The following MGAT5 variants were observed in gnomAD, a reference collection of about 807,000 sequenced individuals.
MGAT5 encodes the protein alpha-1,6-mannosylglycoprotein 6-beta-N-acetylglucosaminyltransferase A.
Under a neutral mutation model 94.3 loss-of-function variants are expected in MGAT5, and 30 were observed. The ratio of observed to expected loss-of-function variants is 0.32; its 90% CI spans 0.24 to 0.43. The LOEUF (loss-of-function observed/expected upper bound fraction) is 0.43, where lower values mean the gene tolerates loss of function less well. Ranked by LOEUF, MGAT5 falls within the 20% of genes least tolerant of loss-of-function variation. The probability of loss-of-function intolerance (pLI) is 1.00; values close to 1 mark genes in which losing one functional copy is unlikely to be tolerated. For synonymous variants in MGAT5, 310 were observed against 322.9 expected, an observed-to-expected ratio of 0.96 and a Z score of 0.43; for missense variants, 691 against 905.5, an observed-to-expected ratio of 0.76 and a Z score of 3.04.
intron 8 of MGAT5, among the ~76,000 whole-genome samples, chr2:134,347,451 T>C (rs1284792374): frequency 1.3e-5 from 2 of 152,108 alleles, no homozygotes; most frequent in African/African-American, 4.8e-5. Flanking sequence ...TTTGTTTTAA[T>C]TGCCCAAATC....
intron 10 of MGAT5, among the ~76,000 whole-genome samples, chr2:134,372,655 G>A (rs371793385): frequency 2.6e-4 from 40 of 152,318 alleles, no homozygotes; most frequent in African/African-American, 9.1e-4. Context: ...AATGATGGAT[G>A]ATAGAATCTT....
intron 1 of MGAT5, among the ~76,000 whole-genome samples, chr2:134,149,009 C>A (rs1687052855): frequency 6.6e-6 from 1 of 152,094 alleles, no homozygotes; most frequent in African/African-American, 2.4e-5. Context: ...AGGTGATCTG[C>A]CCACCTCGGC....
At chr2:134,188,318 C>G (rs186195448) in intron 1 of MGAT5, among the ~76,000 whole-genome samples, 1 of 152,346 alleles carries the variant, frequency 6.6e-6, no homozygotes, top group East Asian at 1.9e-4. Context: ...AGACTTGTGG[C>G]TAAGGGACAG....
intron 1 of MGAT5, among the ~76,000 whole-genome samples, chr2:134,191,713 TGGGA>T (rs1679191161): frequency 6.9e-6 from 1 of 144,042 alleles, no homozygotes; most frequent in Non-Finnish European, 1.5e-5. Context: ...GGGTTCCTGA[TGGGA>T]GGGTGGGTTC....
At chr2:134,158,848 C>T (rs1475129974) in intron 1 of MGAT5, among the ~76,000 whole-genome samples, 2 of 152,196 alleles carry the variant, frequency 1.3e-5, no homozygotes, top group South Asian at 2.1e-4. Flanking sequence ...CCTTTATCTG[C>T]CCTTCACTGT....
chr2:134,428,678 A>G (rs1299479238), intron 14 of MGAT5, among the ~76,000 whole-genome samples: 2 of 152,178 alleles, frequency 1.3e-5, no homozygotes, highest in African/African-American at 2.4e-5. Context: ...AACAAGAGAG[A>G]TGGGATGATT....
chr2:134,221,191 G>A (rs2105352280), intron 1 of MGAT5, among the ~76,000 whole-genome samples: 1 of 152,320 alleles, frequency 6.6e-6, no homozygotes, highest in East Asian at 1.9e-4. Context: ...ATGTGCCGAA[G>A]GTGGTTGGGG....
intron 1 of MGAT5, among the ~76,000 whole-genome samples, chr2:134,231,961 C>T (rs973195207): frequency 2.0e-5 from 3 of 152,082 alleles, no homozygotes; most frequent in Non-Finnish European, 4.4e-5. Context: ...TACTATTGCT[C>T]TGTGGAAGCT....
intron 14 of MGAT5, among the ~76,000 whole-genome samples, chr2:134,441,084 AACGTTGCAGTTTCTGAGAG>A: frequency 6.6e-6 from 1 of 152,288 alleles, no homozygotes. Context: ...CATTTCGCTT[AACGTTGCAGTTTCTGAGAG>A]ACTATTGACG....
At chr2:134,129,264 T>A (rs114403282) in intron 1 of MGAT5, among the ~76,000 whole-genome samples, 1 of 152,336 alleles carries the variant, frequency 6.6e-6, no homozygotes, top group African/African-American at 2.4e-5. Context: ...AGCTGAGTCC[T>A]TGTCTCTCTG....
At chr2:134,250,724 T>C (rs534791169), upstream of MGAT5, among the ~76,000 whole-genome samples, 2 of 152,320 alleles carry the variant, frequency 1.3e-5, no homozygotes, top group South Asian at 4.1e-4. Flanking sequence ...CTATAGTCAC[T>C]TAAAATCTGG....
intron 1 of MGAT5, among the ~76,000 whole-genome samples, chr2:134,214,198 C>T (rs1302762918): frequency 6.6e-6 from 1 of 152,004 alleles, no homozygotes; most frequent in Non-Finnish European, 1.5e-5. Flanking sequence ...CTCCCTAGTT[C>T]CCTTCCAAAG....
chr2:134,230,635 A>G (rs983672594), intron 1 of MGAT5, among the ~76,000 whole-genome samples: 4 of 152,236 alleles, frequency 2.6e-5, no homozygotes, highest in African/African-American at 9.6e-5. Context: ...TCAATTTAAA[A>G]AATTGTTAAA....
At chr2:134,361,961 T>G (rs1680125513) in intron 9 of MGAT5, among the ~76,000 whole-genome samples, 1 of 152,134 alleles carries the variant, frequency 6.6e-6, no homozygotes. Context: ...TGCTGGGAAA[T>G]GGACAGTAGC....
intron 1 of MGAT5, among the ~76,000 whole-genome samples, chr2:134,130,216 C>CGCCCCACACT (rs1686072113): frequency 7.6e-6 from 1 of 131,676 alleles, no homozygotes; most frequent in Admixed American, 7.4e-5. Flanking sequence ...CGCCCCACAC[C>CGCCCCACACT]GCCCCACACC....
chr2:134,345,678 A>G (rs1688879950), intron 8 of MGAT5, among the ~76,000 whole-genome samples: 1 of 152,174 alleles, frequency 6.6e-6, no homozygotes, highest in Non-Finnish European at 1.5e-5. Context: ...AATCACAATG[A>G]ATTACATAAC....
intron 11 of MGAT5, among the ~76,000 whole-genome samples, chr2:134,404,809 T>C (rs528340556): frequency 6.6e-6 from 1 of 152,384 alleles, no homozygotes; most frequent in East Asian, 1.9e-4. Flanking sequence ...GACTGTTTTT[T>C]GTTATCCAGG....
Position 134,361,261 on chromosome 2 carries a change from A to G in MGAT5, c.1247-1014A>G, listed in dbSNP as rs117365033. 3.5e-4 allele frequency among the ~76,000 whole-genome samples: 53 copies of G among 152,292 alleles called. 1 individual carries two copies. The East Asian group carries it at 7.7e-3, about 22-fold the overall frequency. ...TTTTCAGAATCTTGTGTATATCTCA[A>G]TCACCAGGAGGAATTTGGTTTCATG... On this transcript the variant is annotated intron_variant, in intron 9 of 15. Coordinates refer to ENST00000281923, the MANE Select transcript of MGAT5 (RefSeq NM_002410.5).
intron 1 of MGAT5, among the ~76,000 whole-genome samples, chr2:134,197,488 A>G (rs1338268097): frequency 6.6e-6 from 1 of 152,236 alleles, no homozygotes; most frequent in Non-Finnish European, 1.5e-5. Flanking sequence ...ATTTGAGATT[A>G]AAGAGAGATT....
Sources: allele counts gnomAD v4.1 joint callset (sites outside exome capture counted in the v4.1 genomes callset), GRCh38; gene constraint gnomAD v4.1.1; transcripts MANE v1.5; gene names NCBI Gene and HGNC (gene_info 2026-07-23, HGNC 2026-07-21).